Variants in BIRC6 observed in about 807,000 individuals in gnomAD.
BIRC6 encodes the protein dual E2 ubiquitin-conjugating enzyme/E3 ubiquitin-protein ligase BIRC6.
BIRC6 carries 98 observed loss-of-function variants against 503.3 expected under a neutral mutation model. The ratio of observed to expected loss-of-function variants is 0.19; its 90% confidence interval spans 0.17 to 0.23. The LOEUF (loss-of-function observed/expected upper bound fraction) is 0.23, where lower values mean the gene tolerates loss of function less well. Ranked by LOEUF, BIRC6 falls within the 10% of genes least tolerant of loss-of-function variation. The probability of loss-of-function intolerance (pLI) is 1.00; values close to 1 mark genes in which losing one functional copy is unlikely to be tolerated. For missense variants in BIRC6, 5,360 were observed against 5,806.0 expected, an observed-to-expected ratio of 0.92 and a Z score of 2.50; for synonymous variants, 2,240 against 2,078.7, an observed-to-expected ratio of 1.08 and a Z score of -2.11.
At chr2:32,612,692 A>C (rs764513799) in intron 73 of BIRC6, among the ~76,000 whole-genome samples, 10 of 152,206 alleles carry the variant, frequency 6.6e-5, no homozygotes, top group Non-Finnish European at 1.2e-4. Flanking sequence ...AAAGTGTGGG[A>C]ATATAGATGA....
chr2:32,452,705 C>T (rs1376938944), intron 22 of BIRC6, among the ~76,000 whole-genome samples: 1 of 152,006 alleles, frequency 6.6e-6, no homozygotes, highest in Non-Finnish European at 1.5e-5. Flanking sequence ...GACTGATTGC[C>T]CCTTGACTTA....
At chr2:32,386,206 T>G (rs952807159) in intron 3 of BIRC6, among the ~76,000 whole-genome samples, 3 of 152,180 alleles carry the variant, frequency 2.0e-5, no homozygotes. Context: ...GTGGACTTTT[T>G]GTATAGTCCT....
Position 32,477,594 on chromosome 2 carries a change from T to C in BIRC6, c.7068+11T>C, listed in dbSNP as rs747091008. 3 of 1,609,282 alleles carry C rather than the reference T, an allele frequency of 1.9e-6. No homozygotes were observed. The Admixed American group carries it at 5.0e-5, about 27-fold the overall frequency. On this transcript the variant is annotated intron_variant, in intron 35 of 73. Coordinates refer to ENST00000421745, the MANE Select transcript of BIRC6 (RefSeq NM_016252.4). ...TTGTTTGTTTGTAAGGTATGTAAAC[T>C]ATAAGTGTAGACTTACAGGGTTGGC...
chr2:32,477,428 A>G lies in BIRC6; in HGVS notation c.6913A>G (p.Thr2305Ala), dbSNP rs764852411. Residue 2305 changes from threonine (T) to alanine (A), a missense_variant, in exon 35 of 74, where the codon ACA becomes GCA. This residue lies in a region of BIRC6 where 2,299 missense variants were observed against 2,267.2 expected (regional missense o/e 1.01). Transcript: ENST00000421745. Reference sequence around the variant, plus strand: ...AGAATGGTCCCGTTCTAATTTAGACACAGAAGTTACAACAGCAAAAGAAAG... The same window carrying G: ...AGAATGGTCCCGTTCTAATTTAGACGCAGAAGTTACAACAGCAAAAGAAAG... ...TAEWSRSNLD[T>A]EVTTAKESPE... is the part of the protein sequence containing the mutation. The G allele has an allele frequency of 3.1e-6, 5 of 1,614,004 alleles. No homozygotes were observed. The highest frequency in any genetic ancestry group is 2.2e-5 in the South Asian group (2 of 91,084).
rs146245234 is a variant in BIRC6, at chr2:32,442,503, AT to A, written c.4238+51del. On this transcript the variant is annotated intron_variant, in intron 19 of 73. Transcript: ENST00000421745. ...AGCATACTTTCTAGGTACACCTGCAATTTAGTGGGTGATACCTTGTTTATAG... is the reference window on the plus strand; with the variant it reads ...AGCATACTTTCTAGGTACACCTGCAATTAGTGGGTGATACCTTGTTTATAG... 3.6e-3 allele frequency: 5,446 copies of A among 1,521,236 alleles called. 170 individuals are homozygous for A. The African/African-American group carries it at 0.069, about 19-fold the overall frequency. 94.2% of individuals were successfully genotyped at this position (1,521,236 alleles called of 1,614,324 possible).
At chr2:32,381,693 A>C (rs1346657018) in intron 3 of BIRC6, among the ~76,000 whole-genome samples, 1 of 151,622 alleles carries the variant, frequency 6.6e-6, no homozygotes, top group South Asian at 2.1e-4. Flanking sequence ...TTATAGGCAC[A>C]CGCCACCATG....
chr2:32,540,010 C>CT (rs2057535356), intron 61 of BIRC6, among the ~76,000 whole-genome samples: 2 of 152,026 alleles, frequency 1.3e-5, no homozygotes, highest in Non-Finnish European at 2.9e-5. Flanking sequence ...TTATAACCAA[C>CT]TTTATGCCAA....
At chr2:32,562,654 T>C (rs1003669020) in intron 65 of BIRC6, among the ~76,000 whole-genome samples, 1 of 152,232 alleles carries the variant, frequency 6.6e-6, no homozygotes, top group Non-Finnish European at 1.5e-5. Flanking sequence ...GTCTCCATAG[T>C]TGTGCCTTTT....
chr2:32,451,684 A>G lies in BIRC6; in HGVS notation c.4619-2124A>G, dbSNP rs559958974. 1.5e-3 allele frequency among the ~76,000 whole-genome samples: 234 copies of G among 152,314 alleles called. 1 individual carries two copies. Among genetic ancestry groups the G allele is most frequent in the Non-Finnish European group, 2.6e-3 (175 of 68,028 alleles). On this transcript the variant is annotated intron_variant, in intron 22 of 73. Coordinates refer to ENST00000421745, the MANE Select transcript of BIRC6 (RefSeq NM_016252.4). ...GTGAAGTTCAGTTACAAGCTGAACTACTTGCTTGTTTCTTGGAATACCATT... is the reference window on the plus strand; with the variant it reads ...GTGAAGTTCAGTTACAAGCTGAACTGCTTGCTTGTTTCTTGGAATACCATT...
In BIRC6 at chr2:32,439,568, G is replaced by A. The variant is rs185648465; in HGVS notation, c.3692G>A (p.Gly1231Glu). ...LIHVKAVNER[G>E]TEEICNGGMR... The stretch of plus-strand genomic sequence containing the variant: ...CATGTCAAGGCAGTGAATGAAAGAG[G>A]AACAGAAGAGATTTGTAATGGTGGT... The change falls in exon 16 of 74, where the codon GGA becomes GAA. Residue 1231 changes from glycine (G) to glutamate (E), a missense_variant. By Grantham distance (98) the Gly-to-Glu change is moderately conservative. Around this residue, in one of 16 missense-constraint regions of BIRC6, gnomAD observed 2,299 missense variants for 2,267.2 expected, o/e 1.01. Transcript: ENST00000421745. 4.4e-5 allele frequency: 71 copies of A among 1,613,864 alleles called. 1 individual carries two copies. The East Asian group carries it at 7.8e-4, about 18-fold the overall frequency.
At chr2:32,579,581 C>G (rs1050240128) in intron 66 of BIRC6, among the ~76,000 whole-genome samples, 22 of 151,972 alleles carry the variant, frequency 1.4e-4, no homozygotes, top group African/African-American at 5.3e-4. Context: ...CCTAGCTGCT[C>G]AGGAGGTTGA....
chr2:32,489,486 T>C (rs2051424946), intron 42 of BIRC6, among the ~76,000 whole-genome samples: 1 of 151,654 alleles, frequency 6.6e-6, no homozygotes, highest in Non-Finnish European at 1.5e-5. Flanking sequence ...ATGAGAAATA[T>C]TAAATATATA....
At chr2:32,378,945 G>T (rs1294915782) in intron 2 of BIRC6, 2 of 152,072 alleles carry the variant, frequency 1.3e-5, no homozygotes, top group Non-Finnish European at 2.9e-5. Flanking sequence ...ACTGGATTTT[G>T]CATCACCTTA....
Position 32,555,467 on chromosome 2 carries a change from C to T in BIRC6, c.13144+5986C>T, listed in dbSNP as rs192381886. Among the ~76,000 whole-genome samples, 166 of 151,706 alleles carry T rather than the reference C, an allele frequency of 1.1e-3. 2 individuals are homozygous for T. In the East Asian group the frequency reaches 0.029, roughly 27 times the overall value. ...CAGCCTGACCAACACGGTGAAACCC[C>T]GTCTCTACTAAAAATACAAAAATAG... On this transcript the variant is annotated intron_variant, in intron 65 of 73. Transcript: ENST00000421745.
chr2:32,386,170 T>G (rs1367909643), intron 3 of BIRC6, among the ~76,000 whole-genome samples: 1 of 152,176 alleles, frequency 6.6e-6, no homozygotes, highest in East Asian at 1.9e-4. Flanking sequence ...ATTGCAAAGA[T>G]TTATTATTGT....
chr2:32,482,366 A>G (rs1408354749), intron 38 of BIRC6, 63 bp from the exon 39 acceptor site: 1 of 1,524,506 alleles, frequency 6.6e-7, no homozygotes, highest in East Asian at 2.3e-5. Context: ...TAGATAATGT[A>G]AATAACGTGT....
At chr2:32,558,953 T>A (rs2058970928) in intron 65 of BIRC6, 1 of 152,226 alleles carries the variant, frequency 6.6e-6, no homozygotes, top group Non-Finnish European at 1.5e-5. Flanking sequence ...ACATATTTCC[T>A]CCAAAATGCT....
At chr2:32,577,391 A>G (rs1446450326) in intron 66 of BIRC6, among the ~76,000 whole-genome samples, 1 of 152,108 alleles carries the variant, frequency 6.6e-6, no homozygotes, top group Non-Finnish European at 1.5e-5. Flanking sequence ...ACCCAGGTAT[A>G]TTTTGTCTTT....
chr2:32,390,450 G>A (rs905996027), intron 4 of BIRC6, among the ~76,000 whole-genome samples: 32 of 152,016 alleles, frequency 2.1e-4, no homozygotes, highest in African/African-American at 7.0e-4. Context: ...GATTACAGGC[G>A]TGAGCCACTG....
Sources: allele counts gnomAD v4.1 joint callset (sites outside exome capture counted in the v4.1 genomes callset), GRCh38; gene constraint gnomAD v4.1.1; regional missense constraint gnomAD v4.1.1; transcripts MANE v1.5; gene names NCBI Gene and HGNC (gene_info 2026-07-23, HGNC 2026-07-21).